Variants in PRIM2 observed in about 807,000 individuals in gnomAD.
The protein encoded by PRIM2 is DNA primase subunit 2.
A neutral mutation model predicts 67.3 loss-of-function variants in PRIM2; 39 were observed. That is an observed-to-expected ratio of 0.58 (90% CI 0.45 to 0.76). PRIM2 has a LOEUF of 0.76. Ranked by LOEUF, PRIM2 falls within the 30% of genes least tolerant of loss-of-function variation. The pLI is 0.00. For missense variants in PRIM2, 398 were observed against 598.7 expected (o/e 0.66, Z 3.50); for synonymous variants, 143 against 198.7 (o/e 0.72, Z 2.36).
chr6:57,476,307 A>C (rs1444721090), intron 7 of PRIM2, among the ~76,000 whole-genome samples: 2 of 152,230 alleles, frequency 1.3e-5, no homozygotes, highest in East Asian at 3.8e-4. Context: ...TTCAGCTACC[A>C]AAATTGCGCA....
chr6:57,239,337 G>A, the PRIM2 span, among the ~76,000 whole-genome samples: 1 of 152,080 alleles, frequency 6.6e-6, no homozygotes, highest in East Asian at 1.9e-4. Context: ...TTCCCAATAC[G>A]TATCATGCTA....
intron 12 of PRIM2, among the ~76,000 whole-genome samples, chr6:57,608,650 C>T (rs1382955745): frequency 1.3e-5 from 2 of 150,690 alleles, no homozygotes; most frequent in South Asian, 2.1e-4. Flanking sequence ...GAAGTTGAGG[C>T]TCCAGGAAGC....
At chr6:57,468,686 T>G (rs1337061525) in intron 7 of PRIM2, among the ~76,000 whole-genome samples, 1 of 152,246 alleles carries the variant, frequency 6.6e-6, no homozygotes, top group Non-Finnish European at 1.5e-5. Flanking sequence ...AAGTACTTAC[T>G]ATTTTTAGCA....
At chr6:57,399,043 TTATC>T (rs1770617707) in intron 7 of PRIM2, among the ~76,000 whole-genome samples, 1 of 152,068 alleles carries the variant, frequency 6.6e-6, no homozygotes, top group African/African-American at 2.4e-5. Flanking sequence ...TATTTTTTAT[TTATC>T]TATTTTATTA....
chr6:57,301,878 T>A, the PRIM2 span, among the ~76,000 whole-genome samples: 1 of 152,158 alleles, frequency 6.6e-6, no homozygotes, highest in South Asian at 2.1e-4. Context: ...ACCTGCAGAT[T>A]ATTAATTCTA....
the PRIM2 span, among the ~76,000 whole-genome samples, chr6:57,234,699 A>AT: frequency 2.6e-5 from 4 of 151,556 alleles, no homozygotes; most frequent in African/African-American, 9.7e-5. Flanking sequence ...AATTTTTTGT[A>AT]TTTTTAGTAG....
intron 7 of PRIM2, among the ~76,000 whole-genome samples, chr6:57,397,867 T>C (rs1770570778): frequency 6.6e-6 from 1 of 151,614 alleles, no homozygotes; most frequent in East Asian, 1.9e-4. Flanking sequence ...TCAGTTGTGA[T>C]ATTAAGTTGC....
intron 8 of PRIM2, among the ~76,000 whole-genome samples, chr6:57,525,423 C>G (rs1263688331): frequency 6.6e-6 from 1 of 152,152 alleles, no homozygotes; most frequent in Admixed American, 6.5e-5. Flanking sequence ...TTCTAAACCT[C>G]CAAGCTTAAA....
At chr6:57,498,696 T>C (rs1283201270) in intron 7 of PRIM2, among the ~76,000 whole-genome samples, 2 of 152,136 alleles carry the variant, frequency 1.3e-5, no homozygotes, top group Non-Finnish European at 2.9e-5. Flanking sequence ...AAGTGAGCAT[T>C]TTTTTCCTGT....
chr6:57,354,463 TTAGA>T (rs1234973896), intron 5 of PRIM2, among the ~76,000 whole-genome samples: 1 of 152,040 alleles, frequency 6.6e-6, no homozygotes, highest in Non-Finnish European at 1.5e-5. Context: ...TGTGGTAAAA[TTAGA>T]TAATTAATAA....
rs1452960763 is a variant in PRIM2 at position 57,632,356 on chromosome 6, G to A, written c.1299+155G>A. On this transcript the variant is annotated intron_variant, in intron 13 of 13. Coordinates refer to ENST00000615550, the MANE Select transcript of PRIM2 (RefSeq NM_000947.5). ...AAGTAACTTACAGCATTTATTGAACGACCAGACAACTAAGCTTGGATGCTG... is the reference window on the plus strand; with the variant it reads ...AAGTAACTTACAGCATTTATTGAACAACCAGACAACTAAGCTTGGATGCTG... 4.9e-3 allele frequency among the ~76,000 whole-genome samples: 744 copies of A among 152,074 alleles called. 11 individuals are homozygous for A. The highest frequency in any genetic ancestry group is 0.017 in the African/African-American group (695 of 41,458).
the PRIM2 span, among the ~76,000 whole-genome samples, chr6:57,288,572 G>A: frequency 6.6e-6 from 1 of 152,030 alleles, no homozygotes. Flanking sequence ...AGAGACAGGG[G>A]GCCCCTCTGG....
intron 7 of PRIM2, among the ~76,000 whole-genome samples, chr6:57,437,493 A>G (rs1772048945): frequency 6.6e-6 from 1 of 152,078 alleles, no homozygotes; most frequent in East Asian, 1.9e-4. Context: ...TTTACTTAGC[A>G]CAGAGCTGAG....
intron 13 of PRIM2, among the ~76,000 whole-genome samples, chr6:57,633,051 C>T (rs1160054822): frequency 6.6e-6 from 1 of 152,154 alleles, no homozygotes; most frequent in Middle Eastern, 3.2e-3. Flanking sequence ...GGGCATATAG[C>T]CCAAAAAAGT....
At chr6:57,247,802 G>A in the PRIM2 span, among the ~76,000 whole-genome samples, 1 of 152,160 alleles carries the variant, frequency 6.6e-6, no homozygotes, top group Non-Finnish European at 1.5e-5. Flanking sequence ...ATTTCCCCTA[G>A]AAGGGAATCC....
chr6:57,332,248 A>G (rs1196886558), intron 5 of PRIM2, among the ~76,000 whole-genome samples: 1 of 151,992 alleles, frequency 6.6e-6, no homozygotes, highest in Non-Finnish European at 1.5e-5. Flanking sequence ...TATGACTGCA[A>G]TCTTTTAAAA....
At chr6:57,499,478 C>G (rs1774083056) in intron 7 of PRIM2, among the ~76,000 whole-genome samples, 2 of 152,148 alleles carry the variant, frequency 1.3e-5, no homozygotes, top group African/African-American at 4.8e-5. Flanking sequence ...ATGTGCCCTT[C>G]CTAAACCTGT....
At chr6:57,290,944 G>C in the PRIM2 span, among the ~76,000 whole-genome samples, 3 of 152,118 alleles carry the variant, frequency 2.0e-5, no homozygotes, top group Non-Finnish European at 2.9e-5. Flanking sequence ...AAAAGAACTA[G>C]AGAAGCAAGA....
chr6:57,312,003 C>T (rs993849625), upstream of PRIM2, among the ~76,000 whole-genome samples: 9 of 99,804 alleles, frequency 9.0e-5, no homozygotes, highest in Admixed American at 3.3e-4. Flanking sequence ...AAAGGGAGAC[C>T]GTAGAAAGGG....
Sources: allele counts gnomAD v4.1 joint callset (sites outside exome capture counted in the v4.1 genomes callset), GRCh38; gene constraint gnomAD v4.1.1; transcripts MANE v1.5; gene names NCBI Gene and HGNC (gene_info 2026-07-23, HGNC 2026-07-21).